BMPER: variants seen among roughly 807,000 people sequenced by gnomAD.
BMPER encodes the protein BMP binding endothelial regulator, also known as BMP-binding endothelial regulator protein.
A neutral mutation model predicts 87.3 loss-of-function variants in BMPER; 45 were observed. The observed-to-expected ratio is 0.52, with a 90% CI of 0.41 to 0.66. The LOEUF (loss-of-function observed/expected upper bound fraction) is 0.66. BMPER is among the 30% of genes least tolerant of loss of function. BMPER has a pLI of 0.00. For missense variants in BMPER, 784 were observed against 867.5 expected, an observed-to-expected ratio of 0.90 and a Z score of 1.21; for synonymous variants, 326 against 316.2, an observed-to-expected ratio of 1.03 and a Z score of -0.33.
intron 14 of BMPER, among the ~76,000 whole-genome samples, chr7:34,145,315 TC>T (rs1367917962): frequency 2.6e-5 from 4 of 152,140 alleles, no homozygotes; most frequent in African/African-American, 9.7e-5. Flanking sequence ...CCTTTCACCT[TC>T]CTCTGACTCC....
intron 13 of BMPER, among the ~76,000 whole-genome samples, chr7:34,115,485 T>TAATC (rs1790094515): frequency 6.6e-6 from 1 of 152,218 alleles, no homozygotes; most frequent in Admixed American, 6.5e-5. Context: ...TATGCTTTAG[T>TAATC]AATCACTCTC....
At chr7:34,044,374 G>A (rs1202126994) in intron 6 of BMPER, among the ~76,000 whole-genome samples, 1 of 152,206 alleles carries the variant, frequency 6.6e-6, no homozygotes, top group Non-Finnish European at 1.5e-5. Context: ...GAATATGAAT[G>A]AAAAGAATGT....
intron 13 of BMPER, among the ~76,000 whole-genome samples, chr7:34,136,968 G>T (rs1276913880): frequency 6.6e-6 from 1 of 152,234 alleles, no homozygotes; most frequent in Non-Finnish European, 1.5e-5. Context: ...GACAGGCATG[G>T]CCCTTGTGCC....
Position 33,932,187 on chromosome 7 carries a change from C to A in BMPER, c.220-5102C>A, listed in dbSNP as rs1457423801. 3.9e-5 allele frequency among the ~76,000 whole-genome samples: 6 copies of A among 152,306 alleles called. No homozygotes were observed. In the East Asian group the frequency reaches 1.2e-3, roughly 29 times the overall value. On this transcript the variant is annotated intron_variant, in intron 2 of 14. Coordinates refer to ENST00000649409, the MANE Select transcript of BMPER (RefSeq NM_001365308.1). ...GCTATTTGGGATGAATGTGGGTCTA[C>A]CTCCAGGGGTATTTGTATTTTGGTG...
At chr7:34,023,132 T>C (rs1434151273) in intron 6 of BMPER, among the ~76,000 whole-genome samples, 2 of 152,006 alleles carry the variant, frequency 1.3e-5, no homozygotes, top group African/African-American at 4.8e-5. Context: ...TTGTAGGCCT[T>C]CAAATTTTCC....
chr7:34,134,917 A>G (rs974426013), intron 13 of BMPER, among the ~76,000 whole-genome samples: 1 of 152,142 alleles, frequency 6.6e-6, no homozygotes, highest in African/African-American at 2.4e-5. Context: ...CTACTTCCTT[A>G]AAGGAGGTCT....
intron 2 of BMPER, 117 bp downstream of exon 2, chr7:33,907,020 A>G (rs1463466988): frequency 4.1e-6 from 4 of 966,706 alleles, no homozygotes; most frequent in Non-Finnish European, 4.8e-6. Context: ...AAAATTGCAC[A>G]TAACTGTACA....
chr7:33,971,384 C>T (rs538498522), intron 5 of BMPER, among the ~76,000 whole-genome samples: 195 of 152,312 alleles, frequency 1.3e-3, no homozygotes, highest in Middle Eastern at 6.8e-3. Context: ...CTTCCACTTA[C>T]GTCTAACCCT....
intron 13 of BMPER, among the ~76,000 whole-genome samples, chr7:34,127,811 G>T (rs114680515): frequency 2.0e-5 from 3 of 152,044 alleles, no homozygotes; most frequent in South Asian, 2.1e-4. Flanking sequence ...TGGTGTTCCC[G>T]CAGGTAAGTG....
At chr7:34,006,825 G>A (rs1386087249) in intron 6 of BMPER, among the ~76,000 whole-genome samples, 1 of 152,048 alleles carries the variant, frequency 6.6e-6, no homozygotes, top group Non-Finnish European at 1.5e-5. Context: ...GTGCAAATTA[G>A]CATAGCTATC....
At chr7:34,086,350 A>G (rs1220346482) in intron 13 of BMPER, among the ~76,000 whole-genome samples, 2 of 152,162 alleles carry the variant, frequency 1.3e-5, no homozygotes, top group Non-Finnish European at 2.9e-5. Flanking sequence ...GTTTACTGGA[A>G]AGCTGGCTAC....
intron 13 of BMPER, among the ~76,000 whole-genome samples, chr7:34,089,216 T>C (rs936340192): frequency 6.6e-6 from 1 of 152,188 alleles, no homozygotes; most frequent in African/African-American, 2.4e-5. Context: ...TATCTGTATT[T>C]TCCTTTAAGG....
upstream of BMPER, chr7:33,905,359 G>GGA (rs1554295812): frequency 0.035 from 8,791 of 249,806 alleles, 254 homozygotes; most frequent in African/African-American, 0.12. Flanking sequence ...ACTCCCTCAG[G>GGA]AAAAAAAAAA....
At chr7:33,967,083 T>A (rs906584886) in intron 4 of BMPER, among the ~76,000 whole-genome samples, 2 of 152,196 alleles carry the variant, frequency 1.3e-5, no homozygotes, top group Admixed American at 6.5e-5. Flanking sequence ...GTTGATCCTA[T>A]TGAACTCTGA....
intron 6 of BMPER, among the ~76,000 whole-genome samples, chr7:34,037,216 A>G (rs1455560075): frequency 6.6e-6 from 1 of 152,140 alleles, no homozygotes; most frequent in Non-Finnish European, 1.5e-5. Flanking sequence ...CAAACAAACA[A>G]AAAAGGGATT....
rs369910321 is a variant in BMPER at position 34,016,009 on chromosome 7, TGAGA to T, written c.577-30280_577-30277del. 2.3e-3 allele frequency among the ~76,000 whole-genome samples: 327 copies of T among 142,724 alleles called. 3 individuals carry two copies. The highest frequency in any genetic ancestry group is 7.5e-3 in the African/African-American group (292 of 39,082). 93.6% of individuals were successfully genotyped at this position (142,724 alleles called of 152,430 possible). A position where few individuals can be genotyped will look rare whatever the true frequency, so the allele number is the denominator to read the frequency against. ...AAGAGAGAGAGAGGAAGAGAGAGAGTGAGAGAGAGAGAGAGAGAGACTGAGAGAG... is the reference window on the plus strand; with the variant it reads ...AAGAGAGAGAGAGGAAGAGAGAGAGTGAGAGAGAGAGAGAGACTGAGAGAG... On this transcript the variant is annotated intron_variant, in intron 6 of 14. Transcript: ENST00000649409.
chr7:33,995,081 A>G (rs543786126), intron 6 of BMPER, among the ~76,000 whole-genome samples: 1 of 152,282 alleles, frequency 6.6e-6, no homozygotes, highest in East Asian at 1.9e-4. Context: ...GGATATGGGA[A>G]TTTTTATAAA....
intron 12 of BMPER, among the ~76,000 whole-genome samples, chr7:34,083,629 A>G (rs1789113803): frequency 6.6e-6 from 1 of 152,186 alleles, no homozygotes. Context: ...ACCTACTCAT[A>G]GGAATGCTAT....
chr7:34,129,449 C>T (rs13309387), intron 13 of BMPER, among the ~76,000 whole-genome samples: 1 of 151,264 alleles, frequency 6.6e-6, no homozygotes, highest in Non-Finnish European at 1.5e-5. Context: ...TGCAGTGAGC[C>T]GAGATTGTGC....
Sources: allele counts gnomAD v4.1 joint callset (sites outside exome capture counted in the v4.1 genomes callset), GRCh38; gene constraint gnomAD v4.1.1; transcripts MANE v1.5; gene names NCBI Gene and HGNC (gene_info 2026-07-23, HGNC 2026-07-21).